GUCY1A2: variants seen among roughly 807,000 people sequenced by gnomAD.
GUCY1A2 encodes the protein guanylate cyclase 1 soluble subunit alpha 2.
In GUCY1A2, 27 loss-of-function variants were observed where a neutral mutation model predicts 63.5. The observed-to-expected ratio is 0.43, with a 90% CI of 0.31 to 0.59. The LOEUF (loss-of-function observed/expected upper bound fraction) is 0.59. Ranked by LOEUF, GUCY1A2 falls within the 20% of genes least tolerant of loss-of-function variation. The pLI is 0.11. For missense variants in GUCY1A2, 768 were observed against 913.3 expected, an observed-to-expected ratio of 0.84 and a Z score of 2.05; for synonymous variants, 364 against 343.5, an observed-to-expected ratio of 1.06 and a Z score of -0.66.
chr11:106,805,264 GAGA>G (rs1858666868), intron 5 of GUCY1A2, among the ~76,000 whole-genome samples: 5 of 108,132 alleles, frequency 4.6e-5, no homozygotes, highest in African/African-American at 1.9e-4. Flanking sequence ...TTTTTTTTTT[GAGA>G]CGTAGTCTCA....
chr11:106,751,290 A>G (rs1863877839), intron 6 of GUCY1A2, among the ~76,000 whole-genome samples: 1 of 152,134 alleles, frequency 6.6e-6, no homozygotes, highest in Non-Finnish European at 1.5e-5. Context: ...ATGAGAAGGA[A>G]GAATCTTCTC....
intron 6 of GUCY1A2, among the ~76,000 whole-genome samples, chr11:106,729,017 T>TTGAG (rs1419614622): frequency 3.3e-5 from 5 of 152,176 alleles, no homozygotes; most frequent in African/African-American, 1.2e-4. Context: ...CAAATATTTG[T>TTGAG]TGAGTTTGTA....
At chr11:106,931,182 A>G (rs1385511591) in intron 4 of GUCY1A2, among the ~76,000 whole-genome samples, 1 of 152,234 alleles carries the variant, frequency 6.6e-6, no homozygotes, top group Non-Finnish European at 1.5e-5. Context: ...AAAGCAAACA[A>G]CAATTAAGTA....
chr11:106,872,897 C>T (rs1460247427), intron 4 of GUCY1A2, among the ~76,000 whole-genome samples: 1 of 151,296 alleles, frequency 6.6e-6, no homozygotes, highest in Non-Finnish European at 1.5e-5. Context: ...CCCATTGACC[C>T]GTCCTCTGAA....
At chr11:106,923,428 A>C (rs2119912141) in intron 4 of GUCY1A2, among the ~76,000 whole-genome samples, 1 of 152,316 alleles carries the variant, frequency 6.6e-6, no homozygotes, top group African/African-American at 2.4e-5. Context: ...TCTGACTGAA[A>C]AACATGAAAG....
chr11:107,003,470 C>A (rs951038127), intron 1 of GUCY1A2, among the ~76,000 whole-genome samples: 1 of 152,008 alleles, frequency 6.6e-6, no homozygotes, highest in Non-Finnish European at 1.5e-5. Context: ...TTTTTTCTCT[C>A]TCAGAGTGTT....
intron 4 of GUCY1A2, among the ~76,000 whole-genome samples, chr11:106,928,739 T>C (rs1272254372): frequency 6.6e-6 from 1 of 152,314 alleles, no homozygotes; most frequent in East Asian, 1.9e-4. Context: ...CTATACAGTA[T>C]GTGACTATCC....
chr11:106,918,573 A>C (rs1860399292), intron 4 of GUCY1A2, among the ~76,000 whole-genome samples: 1 of 145,568 alleles, frequency 6.9e-6, no homozygotes, highest in African/African-American at 2.4e-5. Context: ...CATAGACATT[A>C]CACACACAGA....
At chr11:106,974,679 TA>T (rs761131405) in intron 3 of GUCY1A2, among the ~76,000 whole-genome samples, 32 of 151,998 alleles carry the variant, frequency 2.1e-4, no homozygotes, top group Non-Finnish European at 4.4e-4. Flanking sequence ...CCTCTCCCAA[TA>T]AAATAATCCC....
At chr11:106,869,329 G>A (rs1183773893) in intron 4 of GUCY1A2, among the ~76,000 whole-genome samples, 3 of 152,084 alleles carry the variant, frequency 2.0e-5, no homozygotes, top group Admixed American at 6.6e-5. Flanking sequence ...GCAACCTACA[G>A]AATGGGAGAA....
chr11:106,726,047 A>G (rs961292148), intron 6 of GUCY1A2, among the ~76,000 whole-genome samples: 6 of 152,216 alleles, frequency 3.9e-5, no homozygotes, highest in African/African-American at 1.4e-4. Context: ...GAAAGGCATC[A>G]AGAGTATAAG....
chr11:107,005,527 A>C (rs950981312), intron 1 of GUCY1A2, among the ~76,000 whole-genome samples: 3 of 151,728 alleles, frequency 2.0e-5, no homozygotes, highest in Non-Finnish European at 4.4e-5. Flanking sequence ...TCCCATCTCA[A>C]CCTCCCAAAG....
chr11:106,812,225 T>C (rs1046207002), intron 4 of GUCY1A2, among the ~76,000 whole-genome samples: 9 of 152,132 alleles, frequency 5.9e-5, no homozygotes, highest in East Asian at 3.9e-4. Context: ...ATAAGCTTAA[T>C]AGAGTTAATC....
At chr11:106,885,456 G>A (rs1238293650) in intron 4 of GUCY1A2, among the ~76,000 whole-genome samples, 3 of 152,210 alleles carry the variant, frequency 2.0e-5, no homozygotes, top group Non-Finnish European at 2.9e-5. Flanking sequence ...AAAAATTCTC[G>A]AATGCTAATT....
At chr11:106,756,929 T>C (rs1481751762) in intron 6 of GUCY1A2, among the ~76,000 whole-genome samples, 1 of 152,198 alleles carries the variant, frequency 6.6e-6, no homozygotes, top group Non-Finnish European at 1.5e-5. Flanking sequence ...CTGGATAATA[T>C]CCTGAAGAGT....
chr11:106,721,998 C>A (rs1218773138), intron 6 of GUCY1A2, among the ~76,000 whole-genome samples: 1 of 152,150 alleles, frequency 6.6e-6, no homozygotes, highest in African/African-American at 2.4e-5. Flanking sequence ...GCATCATCAA[C>A]ACCCACTAGT....
intron 5 of GUCY1A2, among the ~76,000 whole-genome samples, chr11:106,782,533 C>T (rs1864483504): frequency 1.3e-5 from 2 of 152,084 alleles, no homozygotes; most frequent in Admixed American, 1.3e-4. Flanking sequence ...GAAAGGATGC[C>T]ATATTTCCCT....
In GUCY1A2 at chr11:106,710,226, AGT is replaced by A. The variant is rs1369796484; in HGVS notation, c.1837-1562_1837-1561del. Among the ~76,000 whole-genome samples, 17 of 39,262 alleles carry A rather than the reference AGT, an allele frequency of 4.3e-4. 1 individual carries two copies. Among genetic ancestry groups the A allele is most frequent in the African/African-American group, 1.8e-3 (16 of 9,032 alleles). The allele number at this position is 39,262 out of a possible 152,430, so 25.8% of individuals were successfully genotyped here. A position where few individuals can be genotyped will look rare whatever the true frequency, so the allele number is the denominator to read the frequency against. On this transcript the variant is annotated intron_variant, in intron 6 of 7. Transcript: ENST00000526355. ...TATATTATATACATGTATATAATAT[AGT>A]TATATATATAATATATAGTTATATA...
At chr11:106,952,942 G>T (rs1047031824) in intron 3 of GUCY1A2, among the ~76,000 whole-genome samples, 2 of 152,040 alleles carry the variant, frequency 1.3e-5, no homozygotes, top group South Asian at 2.1e-4. Context: ...ACCCAGCCAG[G>T]GTTTTCTAAA....
Sources: gnomAD v4.1 joint callset for allele counts (sites outside exome capture counted in the v4.1 genomes callset) on GRCh38, gnomAD v4.1.1 for gene constraint, MANE v1.5 for transcripts, NCBI Gene and HGNC (gene_info 2026-07-23, HGNC 2026-07-21) for gene names.